ERVK3-1: variants seen among roughly 807,000 people sequenced by gnomAD.
ERVK3-1 encodes HERV-K(HML6-1).
chr19:58,316,032 CAGAG>C (rs141056523), downstream of ERVK3-1, among the ~76,000 whole-genome samples: 195 of 152,196 alleles, frequency 1.3e-3, no homozygotes, highest in African/African-American at 4.4e-3. Flanking sequence ...AATGTGGAGA[CAGAG>C]AGAGGGTGAG....
chr19:58,306,691 A>G (rs1346794664), intron 2 of ERVK3-1: 1 of 152,202 alleles, frequency 6.6e-6, no homozygotes, highest in African/African-American at 2.4e-5. Context: ...AGTAGCAGAA[A>G]TAGAGACCCC....
In ERVK3-1 at chr19:58,312,997, G is replaced by A. The variant is rs1044166222; in HGVS notation, c.294+535G>A. The A allele has an allele frequency of 2.0e-5, 3 of 152,292 alleles. No homozygotes were observed. The highest frequency in any genetic ancestry group is 7.2e-5 in the African/African-American group (3 of 41,466). 9.4% of individuals were successfully genotyped at this position (152,292 alleles called of 1,614,324 possible). ...CTTGGCACAAACTTCACTGGCACTG[G>A]TGGTGGACCTTCAACACCTCTTCAT... On this transcript the variant is annotated intron_variant, in intron 3 of 3. Transcript: ENST00000413518. This position sits in a 1 kb window ranked among gnomAD's most constrained non-coding sequence, Gnocchi z 4.7.
At chr19:58,314,878 G>A (rs529902740) in exon 4 of ERVK3-1, 16 of 398,328 alleles carry the variant, frequency 4.0e-5, no homozygotes, top group Non-Finnish European at 6.7e-5. Flanking sequence ...GACCAACTCA[G>A]TATACCACTG....
At chr19:58,307,712 T>G (rs1028708780) in intron 2 of ERVK3-1, among the ~76,000 whole-genome samples, 2 of 151,178 alleles carry the variant, frequency 1.3e-5, no homozygotes, top group Non-Finnish European at 2.9e-5. Context: ...TAATCAGTGT[T>G]GCTCAAAATT....
At chr19:58,306,962 C>T (rs935345831) in intron 2 of ERVK3-1, among the ~76,000 whole-genome samples, 1 of 152,242 alleles carries the variant, frequency 6.6e-6, no homozygotes, top group Non-Finnish European at 1.5e-5. Context: ...TTAGCTTGCA[C>T]TTGTTTCTCT....
intron 1 of ERVK3-1, among the ~76,000 whole-genome samples, chr19:58,305,824 C>T (rs189863688): frequency 2.0e-5 from 3 of 152,330 alleles, no homozygotes; most frequent in Non-Finnish European, 4.4e-5. Flanking sequence ...AGTCATGTCC[C>T]AGGTCCCCTG....
intron 2 of ERVK3-1, chr19:58,311,086 G>A (rs1213317527): frequency 2.0e-5 from 3 of 153,768 alleles, no homozygotes; most frequent in Non-Finnish European, 2.9e-5. Flanking sequence ...TGTAATATTG[G>A]AATAAAAAGT....
rs895788729 is a variant in ERVK3-1 at position 58,310,836 on chromosome 19, C to A, written c.-3-1330C>A. ...CCCCAGGGAAAGGGAGACCGCCCCC[C>A]ACCCTTTCCCGGTCTGCTAAGTAGC... is the stretch of plus-strand genomic sequence containing the variant. On this transcript the variant is annotated intron_variant, in intron 2 of 3. Coordinates refer to ENST00000413518, the Ensembl canonical transcript of ERVK3-1. This position sits in a 1 kb window ranked among gnomAD's most constrained non-coding sequence, Gnocchi z 4.7. 2.5e-6 allele frequency: 1 copy of A among 393,136 alleles called. No homozygotes were observed. Among genetic ancestry groups the A allele is most frequent in the Non-Finnish European group, 5.2e-6 (1 of 191,392 alleles). 24.4% of individuals were successfully genotyped at this position (393,136 alleles called of 1,614,324 possible). A position where few individuals can be genotyped will look rare whatever the true frequency, so the allele number is the denominator to read the frequency against.
At chr19:58,314,969 G>A (rs1290905480) in exon 4 of ERVK3-1, 5 of 389,960 alleles carry the variant, frequency 1.3e-5, no homozygotes, top group African/African-American at 4.1e-5. Flanking sequence ...GCCGCCAGAA[G>A]GAATGCTGGG....
intron 2 of ERVK3-1, chr19:58,311,060 A>G (rs964547777): frequency 1.3e-5 from 2 of 157,170 alleles, no homozygotes; most frequent in African/African-American, 4.8e-5. Context: ...GGCTATGATT[A>G]TAGAGCAAGG....
intron 1 of ERVK3-1, among the ~76,000 whole-genome samples, chr19:58,305,770 TA>T (rs111681234): frequency 4.6e-5 from 7 of 152,270 alleles, no homozygotes; most frequent in African/African-American, 1.4e-4. Context: ...AGGATGTTGG[TA>T]AACTGACAAA....
chr19:58,308,649 A>G (rs752811240), intron 2 of ERVK3-1, among the ~76,000 whole-genome samples: 1 of 152,170 alleles, frequency 6.6e-6, no homozygotes, highest in Non-Finnish European at 1.5e-5. Context: ...GCAAACAGAT[A>G]GGAAAGGGCT....
At chr19:58,315,023 G>A (rs1482771580) in exon 4 of ERVK3-1, 1 of 370,392 alleles carries the variant, frequency 2.7e-6, no homozygotes, top group African/African-American at 2.1e-5. Flanking sequence ...GTTATCCACA[G>A]GAACATCCAG....
exon 4 of ERVK3-1, chr19:58,314,801 ATTACCT>A (rs2051580477): frequency 2.5e-6 from 1 of 400,004 alleles, no homozygotes; most frequent in African/African-American, 2.1e-5. Flanking sequence ...ACAGCCTGAA[ATTACCT>A]TTATTCAATT....
chr19:58,315,743 G>A (rs1225997842), downstream of ERVK3-1: 1 of 152,194 alleles, frequency 6.6e-6, no homozygotes, highest in Non-Finnish European at 1.5e-5. Flanking sequence ...TGGCCTGGGT[G>A]TATCTGTTTG....
chr19:58,310,807 C>A lies in ERVK3-1; in HGVS notation c.-3-1359C>A, dbSNP rs1042136636. On this transcript the variant is annotated intron_variant, in intron 2 of 3. Transcript: ENST00000413518. This position sits in a 1 kb window ranked among gnomAD's most constrained non-coding sequence, Gnocchi z 4.7. ...GGTGGAGGAGCAGAGTCTTCTCTAACCTCCCCCAGGGAAAGGGAGACCGCC... is the reference window on the plus strand; with the variant it reads ...GGTGGAGGAGCAGAGTCTTCTCTAAACTCCCCCAGGGAAAGGGAGACCGCC... The A allele has an allele frequency of 1.4e-4, 50 of 346,200 alleles. No individual in the cohort carries two copies. The highest frequency in any genetic ancestry group is 9.1e-4 in the African/African-American group (42 of 46,266). 21.4% of individuals were successfully genotyped at this position (346,200 alleles called of 1,614,324 possible).
Position 58,312,604 on chromosome 19 carries a change from T to C in ERVK3-1, c.294+142T>C. On this transcript the variant is annotated intron_variant, in intron 3 of 3. Coordinates refer to ENST00000413518, the Ensembl canonical transcript of ERVK3-1. The surrounding 1 kb of genome is among the most constrained non-coding windows in gnomAD (Gnocchi z 4.7). ...GTGGGCACCAGGACCCCTAACTCCG[T>C]CTGACACAGAGCAATAGCATCAATT... 2.5e-6 allele frequency: 1 copy of C among 398,304 alleles called. No homozygotes were observed. Among genetic ancestry groups the C allele is most frequent in the East Asian group, 3.6e-5 (1 of 28,062 alleles). 24.7% of individuals were successfully genotyped at this position (398,304 alleles called of 1,614,324 possible).
intron 2 of ERVK3-1, chr19:58,306,431 A>C (rs1219854491): frequency 6.6e-6 from 1 of 152,214 alleles, no homozygotes. Context: ...GCTGTGGAAA[A>C]TTGAGACTGA....
intron 3 of ERVK3-1, 48 bp from the exon 4 acceptor site, chr19:58,314,700 A>G (rs2051579445): frequency 2.5e-6 from 1 of 398,558 alleles, no homozygotes; most frequent in African/African-American, 2.1e-5. Context: ...TCTCTTTTAT[A>G]ATAATTACAA....
Sources: gnomAD v4.1 joint callset for allele counts (sites outside exome capture counted in the v4.1 genomes callset) on GRCh38, gnomAD v4.1.1 for gene constraint, Gnocchi (gnomAD v3.1) non-coding constraint, MANE v1.5 for transcripts, NCBI Gene and HGNC (gene_info 2026-07-23, HGNC 2026-07-21) for gene names.